The following ATP6V0D2 variants were observed in gnomAD, a reference collection of about 807,000 sequenced individuals.
ATP6V0D2 encodes V-type proton ATPase subunit d 2.
In ATP6V0D2, 40 loss-of-function variants were observed where a neutral mutation model predicts 40.0. That is an observed-to-expected ratio of 1.00 (90% CI 0.78 to 1.30). The LOEUF (loss-of-function observed/expected upper bound fraction) is 1.30. Among genes scored for constraint, ATP6V0D2 ranks in the 50% most tolerant of loss-of-function variants. ATP6V0D2 has a pLI of 0.00. For missense variants in ATP6V0D2, 470 were observed against 423.1 expected (o/e 1.11, Z -0.97); for synonymous variants, 179 against 156.3 (o/e 1.15, Z -1.08).
chr8:86,141,343 G>A, intron 3 of ATP6V0D2, 107 bp from the exon 4 acceptor site: 1 of 704,834 alleles, frequency 1.4e-6, no homozygotes, highest in Non-Finnish European at 2.4e-6. Context: ...CAACTCTGCA[G>A]TGTTCTTGTC....
intron 2 of ATP6V0D2, among the ~76,000 whole-genome samples, chr8:86,136,890 G>A (rs1017946951): frequency 6.6e-6 from 1 of 152,066 alleles, no homozygotes; most frequent in Non-Finnish European, 1.5e-5. Context: ...GTGAAACCTC[G>A]AGGACTAGGT....
At chr8:86,130,128 G>T (rs1563561643) in intron 2 of ATP6V0D2, among the ~76,000 whole-genome samples, 3 of 151,970 alleles carry the variant, frequency 2.0e-5, no homozygotes, top group Non-Finnish European at 2.9e-5. Context: ...AAGTCCAATG[G>T]ATATTTTTTC....
chr8:86,127,457 C>CTT (rs576240550), intron 2 of ATP6V0D2, among the ~76,000 whole-genome samples: 11 of 146,536 alleles, frequency 7.5e-5, no homozygotes, highest in Admixed American at 2.7e-4. Flanking sequence ...CCCTGAAATG[C>CTT]TTTTTTTTTT....
intron 1 of ATP6V0D2, among the ~76,000 whole-genome samples, chr8:86,106,111 C>A (rs1818467835): frequency 6.8e-6 from 1 of 146,240 alleles, no homozygotes; most frequent in Admixed American, 6.8e-5. Context: ...TAACATGGTG[C>A]TTTTTTTTTT....
At position 86,150,245 on chromosome 8, in the gene ATP6V0D2, C is replaced by A. The variant is rs751686035; in HGVS notation, c.773C>A (p.Ala258Glu). 3.7e-6 allele frequency: 6 copies of A among 1,613,162 alleles called. No individual in the cohort carries two copies. In the Admixed American group the frequency reaches 8.4e-5, roughly 22 times the overall value. Residue 258 changes from alanine to glutamate, a missense_variant, in exon 6 of 8, where the codon GCA (alanine) becomes GAA (glutamate). Physicochemically the swap from Ala to Glu is moderately radical, Grantham distance 107. Transcript: ENST00000285393. The stretch of plus-strand genomic sequence containing the variant: ...GAGGGGTTGCGGCTGTTGGCTCAAG[C>A]AGAAGACTTTGACCAGATGAAGAAC... Reference protein sequence around the residue: ...YPEGLRLLAQAEDFDQMKNVA... With the variant: ...YPEGLRLLAQEEDFDQMKNVA...
intron 1 of ATP6V0D2, among the ~76,000 whole-genome samples, chr8:86,110,016 C>T (rs929353274): frequency 1.6e-4 from 24 of 152,188 alleles, no homozygotes; most frequent in African/African-American, 5.8e-4. Context: ...TCTCACCTCC[C>T]CTTCTCTACC....
chr8:86,123,246 CCTGGGGCATA>C (rs535628664), intron 2 of ATP6V0D2, among the ~76,000 whole-genome samples: 23 of 152,250 alleles, frequency 1.5e-4, no homozygotes, highest in Admixed American at 4.6e-4. Context: ...ATGCTGCTTT[CCTGGGGCATA>C]CTTAAAAATA....
chr8:86,133,439 C>G (rs1818854259), intron 2 of ATP6V0D2, among the ~76,000 whole-genome samples: 5 of 150,102 alleles, frequency 3.3e-5, no homozygotes, highest in Admixed American at 2.7e-4. Flanking sequence ...TCTCCTGCCT[C>G]AGCCTCCCGA....
At chr8:86,147,249 T>C (rs1819083259) in intron 5 of ATP6V0D2, among the ~76,000 whole-genome samples, 1 of 152,170 alleles carries the variant, frequency 6.6e-6, no homozygotes, top group Non-Finnish European at 1.5e-5. Flanking sequence ...TGCACCCTTC[T>C]TCCCATGAGG....
intron 5 of ATP6V0D2, among the ~76,000 whole-genome samples, chr8:86,145,057 T>G (rs1265766291): frequency 6.7e-6 from 1 of 150,170 alleles, no homozygotes; most frequent in Admixed American, 6.7e-5. Context: ...CAGCTTCTTG[T>G]GAGGCTGAGG....
chr8:86,150,955 G>A (rs571270119), intron 6 of ATP6V0D2, among the ~76,000 whole-genome samples: 12 of 152,258 alleles, frequency 7.9e-5, no homozygotes, highest in Admixed American at 7.8e-4. Flanking sequence ...GATTTCTGAA[G>A]CACTCCAGGA....
At position 86,153,767 on chromosome 8, in the gene ATP6V0D2, T is replaced by TTGTTTC. The variant is rs1819191061; in HGVS notation, c.*790_*791insTGTTTC. 1.3e-5 allele frequency: 2 copies of TTGTTTC among 152,292 alleles called. No homozygotes were observed. The highest frequency in any genetic ancestry group is 4.8e-5 in the African/African-American group (2 of 41,508). 9.4% of individuals were successfully genotyped at this position (152,292 alleles called of 1,614,324 possible). The stretch of plus-strand genomic sequence containing the variant: ...GGAAAATGTGTTTTTTGTTTTGTTT[T>TTGTTTC]GTTTTGTTTCGTTTTGTTTTGAGAC... On this transcript the variant is annotated 3_prime_UTR_variant, in exon 8 of 8. Coordinates refer to ENST00000285393, the MANE Select transcript of ATP6V0D2 (RefSeq NM_152565.1).
intron 5 of ATP6V0D2, among the ~76,000 whole-genome samples, chr8:86,145,305 G>GA (rs376979027): frequency 1.1e-5 from 1 of 88,386 alleles, no homozygotes; most frequent in African/African-American, 4.1e-5. Flanking sequence ...AAGAAAGAAA[G>GA]AAAGAAAAGA....
chr8:86,103,408 G>A (rs908791209), intron 1 of ATP6V0D2, among the ~76,000 whole-genome samples: 3 of 151,586 alleles, frequency 2.0e-5, no homozygotes, highest in Admixed American at 1.3e-4. Context: ...TGGGATTACA[G>A]ACGTGAGCTG....
intron 2 of ATP6V0D2, among the ~76,000 whole-genome samples, chr8:86,138,667 C>T (rs1265569189): frequency 6.6e-6 from 1 of 152,176 alleles, no homozygotes; most frequent in Non-Finnish European, 1.5e-5. Context: ...CAGAATTACA[C>T]AGTATTTTTT....
intron 1 of ATP6V0D2, 50 bp downstream of exon 1, chr8:86,099,158 T>C (rs1265688655): frequency 5.4e-6 from 8 of 1,485,932 alleles, no homozygotes; most frequent in Non-Finnish European, 3.6e-6. Context: ...AAAAATGAAA[T>C]GATGTCCCTC....
intron 1 of ATP6V0D2, among the ~76,000 whole-genome samples, chr8:86,101,368 G>A (rs1818395158): frequency 6.7e-6 from 1 of 149,166 alleles, no homozygotes; most frequent in Non-Finnish European, 1.5e-5. Flanking sequence ...GCTGTGGCAG[G>A]AGGATGGCTT....
At chr8:86,110,636 C>T (rs974811331) in intron 1 of ATP6V0D2, among the ~76,000 whole-genome samples, 5 of 152,114 alleles carry the variant, frequency 3.3e-5, no homozygotes, top group Non-Finnish European at 5.9e-5. Flanking sequence ...GGTCACAATA[C>T]AGAGGTTACA....
At chr8:86,140,123 A>T (rs2721255) in intron 3 of ATP6V0D2, among the ~76,000 whole-genome samples, 1 of 151,936 alleles carries the variant, frequency 6.6e-6, no homozygotes, top group Non-Finnish European at 1.5e-5. Flanking sequence ...GAGATGCTCA[A>T]GAGTATCTGT....
Sources: allele counts gnomAD v4.1 joint callset (sites outside exome capture counted in the v4.1 genomes callset), GRCh38; gene constraint gnomAD v4.1.1; transcripts MANE v1.5; gene names NCBI Gene and HGNC (gene_info 2026-07-23, HGNC 2026-07-21).